Variants in ST7 observed in about 807,000 individuals in gnomAD.
ST7 encodes suppression of tumorigenicity 7.
ST7 carries 28 observed loss-of-function variants against 78.7 expected under a neutral mutation model. The ratio of observed to expected loss-of-function variants is 0.36; its 90% confidence interval spans 0.26 to 0.49. The LOEUF (loss-of-function observed/expected upper bound fraction) is 0.49. Ranked by LOEUF, ST7 falls within the 20% of genes least tolerant of loss-of-function variation. The pLI, the probability that ST7 is intolerant of heterozygous loss-of-function variation, is 0.99. For missense variants in ST7, 418 were observed against 696.0 expected, an observed-to-expected ratio of 0.60 and a Z score of 4.49; for synonymous variants, 247 against 249.6, an observed-to-expected ratio of 0.99 and a Z score of 0.10.
At chr7:117,191,895 A>C (rs1462006390) in intron 12 of ST7, 1 of 152,078 alleles carries the variant, frequency 6.6e-6, no homozygotes, top group Non-Finnish European at 1.5e-5. Flanking sequence ...AGAGAGAGAG[A>C]GATGGTTTAT....
chr7:117,005,133 T>C (rs2116466354), intron 1 of ST7, among the ~76,000 whole-genome samples: 1 of 152,322 alleles, frequency 6.6e-6, no homozygotes, highest in East Asian at 1.9e-4. Context: ...CCTAGAATCT[T>C]TTACATTCCC....
intron 9 of ST7, among the ~76,000 whole-genome samples, chr7:117,156,895 A>T (rs1330605835): frequency 6.6e-6 from 1 of 152,196 alleles, no homozygotes; most frequent in African/African-American, 2.4e-5. Flanking sequence ...TGGTCAGAGC[A>T]TTGCACAGTT....
intron 1 of ST7, among the ~76,000 whole-genome samples, chr7:117,023,542 A>T (rs1199928996): frequency 1.3e-5 from 2 of 152,170 alleles, no homozygotes; most frequent in Non-Finnish European, 2.9e-5. Context: ...ACAAAGCAGG[A>T]AGTATAGCTT....
At chr7:117,015,458 T>C (rs762009623) in intron 1 of ST7, among the ~76,000 whole-genome samples, 1 of 152,236 alleles carries the variant, frequency 6.6e-6, no homozygotes, top group Non-Finnish European at 1.5e-5. Context: ...ATGAAGTGAA[T>C]TGGAGAATTT....
rs919290909 is a variant in ST7 at position 117,032,173 on chromosome 7, C to G, written c.152-67589C>G. On this transcript the variant is annotated intron_variant, in intron 1 of 15. Coordinates refer to ENST00000323984, the MANE Select transcript of ST7 (RefSeq NM_001369598.1). ...CTGGGATTACACGAATGAGCCACCA[C>G]GCCTGGCCTAGTTAAAATATTTTTA... Among the ~76,000 whole-genome samples the G allele has an allele frequency of 8.6e-5, 13 of 151,946 alleles. 1 individual carries two copies. Among genetic ancestry groups the G allele is most frequent in the Middle Eastern group, 3.4e-3 (1 of 294 alleles).
chr7:117,115,353 C>CTT (rs1272973593), intron 2 of ST7, among the ~76,000 whole-genome samples: 21 of 135,308 alleles, frequency 1.6e-4, no homozygotes, highest in East Asian at 2.1e-4. Context: ...TGGTAGGTTA[C>CTT]TTTTTTTTTT....
At chr7:117,049,798 T>C (rs1326182054) in intron 1 of ST7, among the ~76,000 whole-genome samples, 1 of 152,228 alleles carries the variant, frequency 6.6e-6, no homozygotes, top group Non-Finnish European at 1.5e-5. Flanking sequence ...TTTCCTATAA[T>C]GTCATGACTT....
At chr7:117,082,438 T>A (rs1799855111) in intron 1 of ST7, among the ~76,000 whole-genome samples, 1 of 152,180 alleles carries the variant, frequency 6.6e-6, no homozygotes, top group African/African-American at 2.4e-5. Flanking sequence ...ATAATAATAT[T>A]TACCAGAGTT....
chr7:117,098,141 G>A (rs1240356829), intron 1 of ST7, among the ~76,000 whole-genome samples: 1 of 151,232 alleles, frequency 6.6e-6, no homozygotes, highest in Non-Finnish European at 1.5e-5. Context: ...TTTAAGAGTA[G>A]GTGCAGTGGG....
chr7:117,086,229 A>G (rs1239100771), intron 1 of ST7, among the ~76,000 whole-genome samples: 1 of 152,218 alleles, frequency 6.6e-6, no homozygotes, highest in African/African-American at 2.4e-5. Flanking sequence ...CTATAGTAAC[A>G]TGATGGTTGG....
chr7:116,995,419 A>T (rs1272269100), intron 1 of ST7, among the ~76,000 whole-genome samples: 3 of 152,204 alleles, frequency 2.0e-5, no homozygotes, highest in Admixed American at 6.5e-5. Flanking sequence ...AACACTCATC[A>T]CCAGTGTGAA....
chr7:117,157,690 A>G (rs1279202005), intron 9 of ST7, among the ~76,000 whole-genome samples: 2 of 152,180 alleles, frequency 1.3e-5, no homozygotes, highest in African/African-American at 4.8e-5. Flanking sequence ...TGGCATAAAA[A>G]GTCCTTTCTG....
intron 1 of ST7, among the ~76,000 whole-genome samples, chr7:117,066,024 C>T (rs1320854614): frequency 6.6e-6 from 1 of 152,190 alleles, no homozygotes; most frequent in Non-Finnish European, 1.5e-5. Flanking sequence ...CTCCCTCCAA[C>T]TGATCCTTCA....
At chr7:117,029,234 T>C (rs2116134925) in intron 1 of ST7, among the ~76,000 whole-genome samples, 1 of 152,342 alleles carries the variant, frequency 6.6e-6, no homozygotes, top group African/African-American at 2.4e-5. Context: ...GGAGTTCACT[T>C]GCTTCAAATT....
intron 13 of ST7, among the ~76,000 whole-genome samples, chr7:117,217,469 A>G (rs1162265829): frequency 6.6e-6 from 1 of 152,088 alleles, no homozygotes; most frequent in East Asian, 1.9e-4. Flanking sequence ...TAAAAGGCTT[A>G]TTTTTGTTTT....
chr7:117,010,937 A>G (rs1054753839), intron 1 of ST7, among the ~76,000 whole-genome samples: 5 of 152,128 alleles, frequency 3.3e-5, no homozygotes, highest in East Asian at 1.9e-4. Flanking sequence ...GAGGAGAGCT[A>G]TGTCTCAGCC....
chr7:117,189,432 C>A (rs189382473), intron 11 of ST7, 39 bp downstream of exon 11: 2 of 1,500,360 alleles, frequency 1.3e-6, no homozygotes, highest in Admixed American at 1.8e-5. Flanking sequence ...AATGCCTGAC[C>A]GGAATTGAGA....
chr7:117,010,775 C>T (rs559681340), intron 1 of ST7, among the ~76,000 whole-genome samples: 2 of 152,104 alleles, frequency 1.3e-5, no homozygotes, highest in South Asian at 2.1e-4. Context: ...TTTGGAAATG[C>T]GATGTAAGAT....
At chr7:117,221,395 G>T (rs1172042162) in intron 14 of ST7, among the ~76,000 whole-genome samples, 1 of 151,988 alleles carries the variant, frequency 6.6e-6, no homozygotes, top group Non-Finnish European at 1.5e-5. Flanking sequence ...TATGAGGGTG[G>T]CACCCTCCAC....
Sources: gnomAD v4.1 joint callset for allele counts (sites outside exome capture counted in the v4.1 genomes callset) on GRCh38, gnomAD v4.1.1 for gene constraint, MANE v1.5 for transcripts, NCBI Gene and HGNC (gene_info 2026-07-23, HGNC 2026-07-21) for gene names.